GTF2A1L: variants seen among roughly 807,000 people sequenced by gnomAD.
GTF2A1L encodes general transcription factor IIA subunit 1 like.
In GTF2A1L, 48 loss-of-function variants were observed where a neutral mutation model predicts 49.7. That is an observed-to-expected ratio of 0.97 (90% confidence interval 0.77 to 1.23). The LOEUF (loss-of-function observed/expected upper bound fraction) is 1.23, where lower values mean the gene tolerates loss of function less well. Among genes scored for constraint, GTF2A1L ranks in the 50% most tolerant of loss-of-function variants. GTF2A1L has a pLI of 0.00. For missense variants in GTF2A1L, 736 were observed against 564.8 expected (o/e 1.30, Z -3.07); for synonymous variants, 246 against 193.5 (o/e 1.27, Z -2.25).
At chr2:48,671,463 C>T (rs967320225) in intron 7 of GTF2A1L, 128 bp from the exon 8 acceptor site, 15 of 879,522 alleles carry the variant, frequency 1.7e-5, no homozygotes, top group Admixed American at 2.9e-5. Flanking sequence ...CTAGGCCTCC[C>T]GTAGTGCTGG....
chr2:48,638,292 A>G (rs1244478991), intron 3 of GTF2A1L, among the ~76,000 whole-genome samples: 2 of 152,216 alleles, frequency 1.3e-5, no homozygotes, highest in Non-Finnish European at 2.9e-5. Context: ...CCTTCAGGCC[A>G]ATATTCCTGT....
At chr2:48,625,223 T>C (rs781454835) in intron 3 of GTF2A1L, among the ~76,000 whole-genome samples, 2 of 143,940 alleles carry the variant, frequency 1.4e-5, no homozygotes, top group African/African-American at 2.5e-5. Context: ...CCAACACTTG[T>C]CGTCTCTTTT....
intron 3 of GTF2A1L, among the ~76,000 whole-genome samples, chr2:48,626,931 G>T (rs1676326183): frequency 7.0e-6 from 1 of 143,200 alleles, no homozygotes; most frequent in Admixed American, 7.1e-5. Flanking sequence ...ATGATTTTTT[G>T]GATAGGTAGT....
rs572017603 is a variant in GTF2A1L at position 48,666,590 on chromosome 2, T to C, written c.979-3132T>C. On this transcript the variant is annotated intron_variant, in intron 6 of 8. Transcript: ENST00000403751. Reference sequence around the variant, plus strand: ...TTATTAATCAACTTGTCAGGGTGTGTGTGTGTGTGTGTGTGTGTGTGTTTG... The same window carrying C: ...TTATTAATCAACTTGTCAGGGTGTGCGTGTGTGTGTGTGTGTGTGTGTTTG... 4.1e-5 allele frequency among the ~76,000 whole-genome samples: 6 copies of C among 144,908 alleles called. No homozygotes were observed. The South Asian group carries it at 1.0e-3, about 25-fold the overall frequency.
At chr2:48,651,871 C>G (rs1369367751) in intron 6 of GTF2A1L, among the ~76,000 whole-genome samples, 1 of 152,064 alleles carries the variant, frequency 6.6e-6, no homozygotes, top group East Asian at 1.9e-4. Flanking sequence ...TAGAGGAGTT[C>G]ATTGATGATC....
chr2:48,676,436 C>T (rs1679472327), intron 8 of GTF2A1L, among the ~76,000 whole-genome samples: 1 of 151,714 alleles, frequency 6.6e-6, no homozygotes, highest in Admixed American at 6.6e-5. Context: ...AGCATTTTGC[C>T]ATTGTGAAAG....
intron 6 of GTF2A1L, among the ~76,000 whole-genome samples, chr2:48,668,993 T>C (rs746292667): frequency 6.6e-6 from 1 of 152,114 alleles, no homozygotes; most frequent in Admixed American, 6.5e-5. Flanking sequence ...AAATTTCCTT[T>C]ATATATTTTT....
At chr2:48,642,105 C>G (rs1251298265) in intron 3 of GTF2A1L, among the ~76,000 whole-genome samples, 1 of 152,104 alleles carries the variant, frequency 6.6e-6, no homozygotes, top group African/African-American at 2.4e-5. Context: ...ATAAATATTA[C>G]TTGACTTAAT....
At chr2:48,621,633 A>C (rs1676003946) in intron 3 of GTF2A1L, among the ~76,000 whole-genome samples, 1 of 152,246 alleles carries the variant, frequency 6.6e-6, no homozygotes, top group South Asian at 2.1e-4. Flanking sequence ...GCAGAGGGAA[A>C]GGTGAGTGCT....
intron 4 of GTF2A1L, among the ~76,000 whole-genome samples, chr2:48,643,693 ATTTTTTTT>A (rs71399070): frequency 1.7e-5 from 2 of 120,786 alleles, no homozygotes; most frequent in African/African-American, 5.9e-5. Flanking sequence ...TATTAATACA[ATTTTTTTT>A]TTTTTTTTTT....
chr2:48,658,022 C>T (rs1678276816), intron 6 of GTF2A1L, among the ~76,000 whole-genome samples: 1 of 152,042 alleles, frequency 6.6e-6, no homozygotes, highest in Admixed American at 6.6e-5. Context: ...GTCAGATGCA[C>T]AGTTTGTGAA....
rs760498689 is a variant in GTF2A1L, at chr2:48,620,867, C to T, written c.38C>T (p.Ser13Phe). 6.3e-7 allele frequency: 1 copy of T among 1,583,490 alleles called. No individual in the cohort carries two copies. Among genetic ancestry groups the T allele is most frequent in the Non-Finnish European group, 8.6e-7 (1 of 1,165,908 alleles). Reference sequence around the variant, plus strand: ...TTTATGTAGCCTAAACTCTACAGATCTGTAATTGAAGATGTAATTGAAGGA... The same window carrying T: ...TTTATGTAGCCTAAACTCTACAGATTTGTAATTGAAGATGTAATTGAAGGA... ...CLNPVPKLYR[S>F]VIEDVIEGVR... is the part of the protein sequence containing the mutation. The change falls in exon 2 of 9, where the codon TCT becomes TTT. Residue 13 changes from serine (S) to phenylalanine (F), a missense_variant. Transcript: ENST00000403751.
At position 48,679,559 on chromosome 2, in the gene GTF2A1L, C is replaced by G. The variant is rs943486215; in HGVS notation, c.*117C>G. The G allele has an allele frequency of 9.5e-6, 14 of 1,473,250 alleles. No homozygotes were observed. In the Admixed American group the frequency reaches 1.2e-4, roughly 12 times the overall value. 91.3% of individuals were successfully genotyped at this position (1,473,250 alleles called of 1,614,324 possible). The stretch of plus-strand genomic sequence containing the variant: ...CAGAGCTGTTCAAATTTTTAGTTCA[C>G]TGTATGGAATTTAATAAAATTATAA... On this transcript the variant is annotated 3_prime_UTR_variant, in exon 9 of 9. Transcript: ENST00000403751.
intron 6 of GTF2A1L, among the ~76,000 whole-genome samples, chr2:48,647,839 A>C (rs1388337333): frequency 2.0e-5 from 3 of 152,110 alleles, no homozygotes; most frequent in African/African-American, 7.2e-5. Context: ...TTGGATTATA[A>C]AAATTAAAAA....
rs539444478 is a variant in GTF2A1L at position 48,624,133 on chromosome 2, CTTTG to C, written c.247+2848_247+2851del. ...AATTTCCTGTATCTTCAGTTCTCTACTTTGTTTGGTCTCAGGACCCCTTTAAGCT... is the reference window on the plus strand; with the variant it reads ...AATTTCCTGTATCTTCAGTTCTCTACTTTGGTCTCAGGACCCCTTTAAGCT... On this transcript the variant is annotated intron_variant, in intron 3 of 8. Coordinates refer to ENST00000403751, the MANE Select transcript of GTF2A1L (RefSeq NM_006872.5). Among the ~76,000 whole-genome samples, 3 of 106,522 alleles carry C rather than the reference CTTTG, an allele frequency of 2.8e-5. 1 individual carries two copies. The highest frequency in any genetic ancestry group is 7.0e-5 in the Non-Finnish European group (3 of 42,728). 69.9% of individuals were successfully genotyped at this position (106,522 alleles called of 152,430 possible).
intron 6 of GTF2A1L, among the ~76,000 whole-genome samples, chr2:48,664,403 T>C (rs1250771868): frequency 6.6e-6 from 1 of 152,076 alleles, no homozygotes; most frequent in Non-Finnish European, 1.5e-5. Context: ...TGTTTTGATA[T>C]GGTGAGATAC....
chr2:48,656,675 G>T (rs975036263), intron 6 of GTF2A1L, among the ~76,000 whole-genome samples: 1 of 151,742 alleles, frequency 6.6e-6, no homozygotes, highest in African/African-American at 2.4e-5. Flanking sequence ...AATGTCTTTT[G>T]AGCACAAAAG....
chr2:48,661,539 C>T (rs538062778), intron 6 of GTF2A1L, among the ~76,000 whole-genome samples: 1 of 152,182 alleles, frequency 6.6e-6, no homozygotes, highest in East Asian at 1.9e-4. Context: ...CAAGCATGAG[C>T]CACTGCACCT....
intron 6 of GTF2A1L, among the ~76,000 whole-genome samples, chr2:48,653,140 G>GGT (rs1466067428): frequency 6.8e-6 from 1 of 146,658 alleles, no homozygotes; most frequent in Non-Finnish European, 1.5e-5. Flanking sequence ...AGGATGGCAT[G>GGT]AACCCAGGAG....
Sources: allele counts gnomAD v4.1 joint callset (sites outside exome capture counted in the v4.1 genomes callset), GRCh38; gene constraint gnomAD v4.1.1; transcripts MANE v1.5; gene names NCBI Gene and HGNC (gene_info 2026-07-23, HGNC 2026-07-21).